RAB11FIP5: variants seen among roughly 807,000 people sequenced by gnomAD.
RAB11FIP5 encodes rab11 family-interacting protein 5.
Under a neutral mutation model 85.1 loss-of-function variants are expected in RAB11FIP5, and 48 were observed. That is an observed-to-expected ratio of 0.56 (90% CI 0.45 to 0.72). RAB11FIP5 has a LOEUF of 0.72. Ranked by LOEUF, RAB11FIP5 falls within the 30% of genes least tolerant of loss-of-function variation. RAB11FIP5 has a pLI of 0.00. For synonymous variants in RAB11FIP5, 729 were observed against 727.3 expected, an observed-to-expected ratio of 1.00 and a Z score of -0.04; for missense variants, 1,491 against 1,687.0, an observed-to-expected ratio of 0.88 and a Z score of 2.04.
At chr2:73,107,953 T>C (rs1316464387) in intron 1 of RAB11FIP5, among the ~76,000 whole-genome samples, 1 of 152,214 alleles carries the variant, frequency 6.6e-6, no homozygotes, top group Non-Finnish European at 1.5e-5. Flanking sequence ...CCAGGCTGTC[T>C]GTGGGCTACG....
Position 73,080,757 on chromosome 2 carries a change from G to A in RAB11FIP5, c.2475C>T (p.Asp825=), listed in dbSNP as rs978431481. The change falls in exon 4 of 6, where the codon GAC becomes GAT. Residue 825 remains aspartate, a synonymous_variant. Transcript: ENST00000486777. Reference sequence around the variant, plus strand: ...GCCAGGCATCATCAGCTGTCTCGACGTCAGGGCAAAGCTGATTTTCGCCTC... The same window carrying A: ...GCCAGGCATCATCAGCTGTCTCGACATCAGGGCAAAGCTGATTTTCGCCTC... ...SSRGENQLCP[D]VETADDAWPW... is the part of the protein sequence containing the mutation. 2.0e-5 allele frequency: 25 copies of A among 1,232,460 alleles called. No individual in the cohort carries two copies. Among genetic ancestry groups the A allele is most frequent in the East Asian group, 9.5e-5 (3 of 31,720 alleles). The allele number at this position is 1,232,460 out of a possible 1,614,324, so 76.3% of individuals were successfully genotyped here. A position where few individuals can be genotyped will look rare whatever the true frequency, so the allele number is the denominator to read the frequency against.
At chr2:73,097,720 T>G (rs1684349051) in intron 1 of RAB11FIP5, among the ~76,000 whole-genome samples, 1 of 152,202 alleles carries the variant, frequency 6.6e-6, no homozygotes, top group African/African-American at 2.4e-5. Flanking sequence ...GAGCCAGAGA[T>G]GTCAGGCTTA....
intron 3 of RAB11FIP5, 66 bp downstream of exon 3, chr2:73,087,984 G>T (rs1468790242): frequency 7.0e-7 from 1 of 1,438,220 alleles, no homozygotes; most frequent in Non-Finnish European, 9.4e-7. Flanking sequence ...CCCTGCCCCA[G>T]GGTCCAGGCA....
Position 73,112,456 on chromosome 2 carries a change from G to A in RAB11FIP5, c.322C>T (p.Leu108=). The A allele has an allele frequency of 6.6e-7, 1 of 1,511,714 alleles. No homozygotes were observed. 93.6% of individuals were successfully genotyped at this position (1,511,714 alleles called of 1,614,324 possible). Residue 108 remains leucine (L), a synonymous_variant, in exon 1 of 6, where the codon CTG becomes TTG. Transcript: ENST00000486777. The part of the protein sequence containing the change: ...WAASSAAACE[L]VLTTMHRSLI... ...GAGCGGTGCATGGTGGTGAGCACCA[G>A]CTCGCAGGCGGCGGCGGAGCTCGCG...
At chr2:73,093,262 C>T (rs1684253683) in intron 1 of RAB11FIP5, among the ~76,000 whole-genome samples, 1 of 152,178 alleles carries the variant, frequency 6.6e-6, no homozygotes, top group Non-Finnish European at 1.5e-5. Context: ...TCCCACTCCT[C>T]TGGGAAGCTC....
At chr2:73,083,324 A>G (rs957176134) in intron 3 of RAB11FIP5, among the ~76,000 whole-genome samples, 19 of 152,194 alleles carry the variant, frequency 1.2e-4, no homozygotes, top group African/African-American at 4.3e-4. Flanking sequence ...GACCACAGGA[A>G]GGAGTCCAAC....
intron 4 of RAB11FIP5, 141 bp downstream of exon 4, chr2:73,079,510 C>T (rs186751499): frequency 2.9e-5 from 31 of 1,079,562 alleles, no homozygotes; most frequent in African/African-American, 2.4e-4. Context: ...AAGCCTGTAC[C>T]GTCTTGCCTC....
In RAB11FIP5 at chr2:73,112,795, C is replaced by A. The variant is rs1182433988; in HGVS notation, c.-18G>T. The A allele has an allele frequency of 5.0e-6, 7 of 1,413,602 alleles. No homozygotes were observed. The African/African-American group carries it at 7.6e-5, about 15-fold the overall frequency. The allele number at this position is 1,413,602 out of a possible 1,614,324, so 87.6% of individuals were successfully genotyped here. On this transcript the variant is annotated 5_prime_UTR_variant, in exon 1 of 6. Coordinates refer to ENST00000486777, the MANE Select transcript of RAB11FIP5 (RefSeq NM_001371272.1). ...AGGGCCATGGCGGAGAAGCGGGGGGCGAGGTCTGGCCGAGCCGGTGCAGAC... is the reference window on the plus strand; with the variant it reads ...AGGGCCATGGCGGAGAAGCGGGGGGAGAGGTCTGGCCGAGCCGGTGCAGAC...
chr2:73,106,615 G>C (rs1305806872), intron 1 of RAB11FIP5, among the ~76,000 whole-genome samples: 3 of 152,204 alleles, frequency 2.0e-5, no homozygotes, highest in African/African-American at 7.2e-5. Flanking sequence ...CTAAAACCTG[G>C]CAGGCACTTC....
chr2:73,081,762 A>G lies in RAB11FIP5; in HGVS notation c.1569-99T>C, dbSNP rs1263305966. 1.8e-6 allele frequency: 2 copies of G among 1,086,036 alleles called. No homozygotes were observed. The highest frequency in any genetic ancestry group is 2.3e-6 in the Non-Finnish European group (2 of 855,476). 67.3% of individuals were successfully genotyped at this position (1,086,036 alleles called of 1,614,324 possible). A position where few individuals can be genotyped will look rare whatever the true frequency, so the allele number is the denominator to read the frequency against. ...ACCCCCTGCTTCGGGACCAGGGGCC[A>G]TAACACACACATAGGCTGGATTTAC... On this transcript the variant is annotated intron_variant, in intron 3 of 5. Coordinates refer to ENST00000486777, the MANE Select transcript of RAB11FIP5 (RefSeq NM_001371272.1). This position sits in a 1 kb window ranked among gnomAD's most constrained non-coding sequence, Gnocchi z 4.2.
rs1476801058 is a variant in RAB11FIP5 at position 73,073,991 on chromosome 2, C to T, written c.*1530G>A. On this transcript the variant is annotated 3_prime_UTR_variant, in exon 6 of 6. Transcript: ENST00000486777. ...CACTAAGCTGTTAAGTATCCTTCTT[C>T]AGCACCTCATCACCCCCCATTTTTG... is the stretch of plus-strand genomic sequence containing the variant. The T allele has an allele frequency of 1.3e-5, 2 of 152,218 alleles. No individual in the cohort carries two copies. The highest frequency in any genetic ancestry group is 4.8e-5 in the African/African-American group (2 of 41,452). 9.4% of individuals were successfully genotyped at this position (152,218 alleles called of 1,614,324 possible).
chr2:73,075,861 C>A lies in RAB11FIP5; in HGVS notation c.3771+132G>T. On this transcript the variant is annotated intron_variant, in intron 5 of 5. Transcript: ENST00000486777. This position sits in a 1 kb window ranked among gnomAD's most constrained non-coding sequence, Gnocchi z 4.6. ...GCCCCAGGCTGCCTGTCTCCAAAGT[C>A]AGAGCCTAACTGGCTTCAGGACTCT... 6.9e-7 allele frequency: 1 copy of A among 1,454,924 alleles called. No homozygotes were observed. Among genetic ancestry groups the A allele is most frequent in the South Asian group, 1.3e-5 (1 of 76,506 alleles). 90.1% of individuals were successfully genotyped at this position (1,454,924 alleles called of 1,614,324 possible). A position where few individuals can be genotyped will look rare whatever the true frequency, so the allele number is the denominator to read the frequency against.
intron 1 of RAB11FIP5, among the ~76,000 whole-genome samples, chr2:73,106,338 G>A (rs1410724233): frequency 6.6e-6 from 1 of 152,234 alleles, no homozygotes; most frequent in Non-Finnish European, 1.5e-5. Flanking sequence ...GGTCTCTGGT[G>A]TATGTCCCCT....
chr2:73,097,450 G>T (rs1161744428), intron 1 of RAB11FIP5, among the ~76,000 whole-genome samples: 3 of 152,222 alleles, frequency 2.0e-5, no homozygotes, highest in Non-Finnish European at 4.4e-5. Context: ...TTCAAGGCTT[G>T]TTAGCATCTG....
rs1384549991 is a variant in RAB11FIP5 at position 73,081,634 on chromosome 2, T to A, written c.1598A>T (p.Asp533Val). The A allele has an allele frequency of 8.1e-7, 1 of 1,230,468 alleles. No homozygotes were observed. 76.2% of individuals were successfully genotyped at this position (1,230,468 alleles called of 1,614,324 possible). The change falls in exon 4 of 6, where the codon GAC (aspartate) becomes GTC (valine). Residue 533 changes from aspartate (D) to valine (V), a missense_variant. By Grantham distance (152) the Asp-to-Val change is radical (BLOSUM62 -3). This residue lies in a region of RAB11FIP5 where 1,211 missense variants were observed against 1,338.0 expected (regional missense o/e 0.91). Transcript: ENST00000486777. The surrounding 1 kb of genome is among the most constrained non-coding windows in gnomAD (Gnocchi z 4.2). ...SLDVSPQVES[D>V]PAALPHHLPC... The stretch of plus-strand genomic sequence containing the variant: ...GAGGTGGTGAGGAAGAGCAGCTGGG[T>A]CAGATTCTACCTGAGGAGACACGTC...
In RAB11FIP5 at chr2:73,112,941, G is replaced by T. The variant is rs963750353; in HGVS notation, c.-164C>A. On this transcript the variant is annotated 5_prime_UTR_variant, in exon 1 of 6. Coordinates refer to ENST00000486777, the MANE Select transcript of RAB11FIP5 (RefSeq NM_001371272.1). ...CCGGCCGCCGCCTCCCCGCCTCACC[G>T]GGCCGCTGGCCGCGGGCCGCGCCGC... 1.4e-5 allele frequency: 6 copies of T among 426,240 alleles called. No homozygotes were observed. The East Asian group carries it at 2.3e-4, about 17-fold the overall frequency. The allele number at this position is 426,240 out of a possible 1,614,324, so 26.4% of individuals were successfully genotyped here. A position where few individuals can be genotyped will look rare whatever the true frequency, so the allele number is the denominator to read the frequency against.
chr2:73,112,218 T>C, intron 1 of RAB11FIP5, 129 bp downstream of exon 1: 1 of 1,103,452 alleles, frequency 9.1e-7, no homozygotes, highest in African/African-American at 1.7e-5. Context: ...CCAACGTTTC[T>C]GTCGGTTTAC....
chr2:73,075,213 C>T lies in RAB11FIP5; in HGVS notation c.*308G>A. On this transcript the variant is annotated 3_prime_UTR_variant, in exon 6 of 6. Coordinates refer to ENST00000486777, the MANE Select transcript of RAB11FIP5 (RefSeq NM_001371272.1). This position sits in a 1 kb window ranked among gnomAD's most constrained non-coding sequence, Gnocchi z 4.6. ...CAGATTACTGCATCAAGCTACAGTT[C>T]ACCCCTGCTCTGTCTTGGGGGAAGA... is the stretch of plus-strand genomic sequence containing the variant. The T allele has an allele frequency of 1.5e-6, 1 of 658,926 alleles. No individual in the cohort carries two copies. 40.8% of individuals were successfully genotyped at this position (658,926 alleles called of 1,614,324 possible).
At position 73,075,809 on chromosome 2, in the gene RAB11FIP5, C is replaced by T; in HGVS notation, c.3772-85G>A. ...GCTTGCCCGCCCGCCCGCCTGCCCACCAACACCTAAGTTTCACCACCACAG... is the reference window on the plus strand; with the variant it reads ...GCTTGCCCGCCCGCCCGCCTGCCCATCAACACCTAAGTTTCACCACCACAG... On this transcript the variant is annotated intron_variant, in intron 5 of 5. Coordinates refer to ENST00000486777, the MANE Select transcript of RAB11FIP5 (RefSeq NM_001371272.1). The surrounding 1 kb of genome is among the most constrained non-coding windows in gnomAD (Gnocchi z 4.6). The T allele has an allele frequency of 1.3e-6, 2 of 1,495,474 alleles. No homozygotes were observed. Among genetic ancestry groups the T allele is most frequent in the South Asian group, 1.3e-5 (1 of 79,008 alleles). The allele number at this position is 1,495,474 out of a possible 1,614,324, so 92.6% of individuals were successfully genotyped here.
Sources: allele counts gnomAD v4.1 joint callset (sites outside exome capture counted in the v4.1 genomes callset), GRCh38; gene constraint gnomAD v4.1.1; regional missense constraint gnomAD v4.1.1; non-coding constraint Gnocchi (gnomAD v3.1); transcripts MANE v1.5; gene names NCBI Gene and HGNC (gene_info 2026-07-23, HGNC 2026-07-21).